The following CENPE variants were observed in gnomAD, a reference collection of about 807,000 sequenced individuals.
CENPE encodes centromere protein E, also known as centromere-associated protein E.
CENPE carries 145 observed loss-of-function variants against 336.1 expected under a neutral mutation model. That is an observed-to-expected ratio of 0.43 (90% confidence interval 0.38 to 0.50). The LOEUF is 0.50. CENPE is among the 20% of genes least tolerant of loss of function. The pLI is 0.00. For synonymous variants in CENPE, 1,013 were observed against 984.8 expected, an observed-to-expected ratio of 1.03 and a Z score of -0.54; for missense variants, 2,719 against 3,023.3, an observed-to-expected ratio of 0.90 and a Z score of 2.36.
In CENPE at chr4:103,189,705, C is replaced by T. The variant is rs549658922; in HGVS notation, c.694-3844G>A. ...ATATCATACTGAATGGGCAAAAACT[C>T]GAAGCATTCCCTTTAAAAACTGGCA... On this transcript the variant is annotated intron_variant, in intron 8 of 48. Transcript: ENST00000265148. Among the ~76,000 whole-genome samples, 17 of 152,184 alleles carry T rather than the reference C, an allele frequency of 1.1e-4. No homozygotes were observed. The East Asian group carries it at 2.3e-3, about 21-fold the overall frequency.
chr4:103,134,473 A>G (rs764184536), intron 40 of CENPE, among the ~76,000 whole-genome samples: 1 of 151,868 alleles, frequency 6.6e-6, no homozygotes, highest in Non-Finnish European at 1.5e-5. Context: ...TCTCTACTAA[A>G]AATACAAAAA....
intron 46 of CENPE, among the ~76,000 whole-genome samples, chr4:103,113,449 C>T (rs552744329): frequency 0.013 from 1,845 of 138,112 alleles, 36 homozygotes; most frequent in African/African-American, 0.044. Flanking sequence ...ATATTACTTA[C>T]ATATTACTTA....
intron 44 of CENPE, among the ~76,000 whole-genome samples, chr4:103,118,930 A>G (rs1750372536): frequency 6.6e-6 from 1 of 152,126 alleles, no homozygotes; most frequent in African/African-American, 2.4e-5. Context: ...CTCTGGATGC[A>G]CAAACTTTCT....
intron 43 of CENPE, 65 bp from the exon 44 acceptor site, chr4:103,120,398 A>C (rs1348764842): frequency 7.5e-7 from 1 of 1,331,692 alleles, no homozygotes. Flanking sequence ...TAGAAATTTG[A>C]GACAGAGATG....
chr4:103,125,333 T>G (rs771781034), intron 42 of CENPE, among the ~76,000 whole-genome samples: 6 of 152,208 alleles, frequency 3.9e-5, no homozygotes, highest in Non-Finnish European at 7.3e-5. Context: ...CTTTTGAATA[T>G]TACATGTTTT....
At chr4:103,137,923 C>T (rs1305498849) in intron 39 of CENPE, among the ~76,000 whole-genome samples, 2 of 152,156 alleles carry the variant, frequency 1.3e-5, no homozygotes, top group Admixed American at 6.5e-5. Flanking sequence ...AAAACTCAGT[C>T]TTTTTTCATG....
At chr4:103,123,254 C>T (rs1750797043) in intron 42 of CENPE, among the ~76,000 whole-genome samples, 165 bp from the exon 43 acceptor site, 1 of 152,178 alleles carries the variant, frequency 6.6e-6, no homozygotes, top group Non-Finnish European at 1.5e-5. Context: ...TTGAATTGCA[C>T]ATCATTCTGA....
intron 16 of CENPE, among the ~76,000 whole-genome samples, chr4:103,167,050 T>A (rs2125988959): frequency 6.6e-6 from 1 of 152,296 alleles, no homozygotes; most frequent in African/African-American, 2.4e-5. Context: ...TAGTATTAGT[T>A]ATACTAATTT....
chr4:103,108,821 T>C lies in CENPE; in HGVS notation c.7993A>G (p.Ser2665Gly), dbSNP rs758197733. ...TACTTACCTGGACAAAGGCCTAAAC[T>C]TGAGTTATCAAAATAGCGAACTGGA... ...PHPVRYFDNSSLGLCPEVQNA... is the reference protein window; with the variant it reads ...PHPVRYFDNSGLGLCPEVQNA... The change falls in exon 48 of 49, where the codon AGT becomes GGT. Residue 2665 changes from serine to glycine, a missense_variant. By Grantham distance (56) the Ser-to-Gly change is moderately conservative. This residue lies in a region of CENPE where 2,437 missense variants were observed against 2,513.3 expected (regional missense o/e 0.97). Coordinates refer to ENST00000265148, the MANE Select transcript of CENPE (RefSeq NM_001813.3). 3 of 1,613,484 alleles carry C rather than the reference T, an allele frequency of 1.9e-6. No individual in the cohort carries two copies. Among genetic ancestry groups the C allele is most frequent in the Admixed American group, 3.3e-5 (2 of 59,942 alleles).
Position 103,144,230 on chromosome 4 carries a change from C to G in CENPE, c.5145+101G>C, listed in dbSNP as rs918528474. 5.7e-6 allele frequency: 6 copies of G among 1,044,846 alleles called. No homozygotes were observed. The African/African-American group carries it at 8.1e-5, about 14-fold the overall frequency. The allele number at this position is 1,044,846 out of a possible 1,614,324, so 64.7% of individuals were successfully genotyped here. On this transcript the variant is annotated intron_variant, in intron 33 of 48. Transcript: ENST00000265148. Reference sequence around the variant, plus strand: ...GGATTACCGGCTCGAGCCACCGCGCCCGGCCTGGACCAATTTTATACTCCC... The same window carrying G: ...GGATTACCGGCTCGAGCCACCGCGCGCGGCCTGGACCAATTTTATACTCCC...
chr4:103,149,664 G>A (rs1015919575), intron 26 of CENPE, among the ~76,000 whole-genome samples: 4 of 152,178 alleles, frequency 2.6e-5, no homozygotes, highest in Non-Finnish European at 5.9e-5. Context: ...GGATTGAGAC[G>A]TGATCCTACT....
intron 46 of CENPE, among the ~76,000 whole-genome samples, chr4:103,111,376 G>A (rs1182042217): frequency 6.6e-6 from 1 of 152,216 alleles, no homozygotes; most frequent in Non-Finnish European, 1.5e-5. Context: ...CACTGCGTGT[G>A]TGGCGGGGAG....
intron 8 of CENPE, among the ~76,000 whole-genome samples, chr4:103,193,013 A>G (rs1056080916): frequency 6.6e-6 from 1 of 151,910 alleles, no homozygotes; most frequent in Non-Finnish European, 1.5e-5. Flanking sequence ...TTATCATCCC[A>G]CCAAGGCCAG....
chr4:103,114,234 C>T (rs556593525), intron 46 of CENPE, among the ~76,000 whole-genome samples: 2 of 152,022 alleles, frequency 1.3e-5, no homozygotes, highest in African/African-American at 2.4e-5. Context: ...AAGCAGAGTT[C>T]GTATTTTTCA....
At chr4:103,179,733 A>C (rs1756173222) in intron 13 of CENPE, among the ~76,000 whole-genome samples, 1 of 152,210 alleles carries the variant, frequency 6.6e-6, no homozygotes, top group Non-Finnish European at 1.5e-5. Context: ...GAAATTGTCC[A>C]AGGCCAAGAG....
intron 18 of CENPE, 136 bp downstream of exon 18, chr4:103,163,001 A>C (rs1294554715): frequency 5.0e-6 from 3 of 600,112 alleles, no homozygotes; most frequent in East Asian, 6.6e-5. Flanking sequence ...AGGGTTATTG[A>C]CAGATTTAAT....
chr4:103,194,026 T>A (rs1294361870), intron 8 of CENPE, among the ~76,000 whole-genome samples: 2 of 152,018 alleles, frequency 1.3e-5, no homozygotes, highest in Non-Finnish European at 2.9e-5. Context: ...AACCATGACA[T>A]AACAGGAAGA....
At chr4:103,160,325 AG>A in intron 21 of CENPE, among the ~76,000 whole-genome samples, 1 of 152,054 alleles carries the variant, frequency 6.6e-6, no homozygotes, top group South Asian at 2.1e-4. Context: ...GTAAAGACTA[AG>A]GGTGGGCCGT....
At position 103,148,795 on chromosome 4, in the gene CENPE, G is replaced by C. The variant is rs753137137; in HGVS notation, c.3843+49C>G. On this transcript the variant is annotated intron_variant, in intron 28 of 48. Transcript: ENST00000265148. ...CTTACTGCTTATCTTTCCTTCAAAG[G>C]AGAAAGGAAGGAAGAAGTGACAAAG... 4.6e-6 allele frequency: 7 copies of C among 1,517,714 alleles called. No individual in the cohort carries two copies. The South Asian group carries it at 6.0e-5, about 13-fold the overall frequency. 94.0% of individuals were successfully genotyped at this position (1,517,714 alleles called of 1,614,324 possible).
Sources: gnomAD v4.1 joint callset for allele counts (sites outside exome capture counted in the v4.1 genomes callset) on GRCh38, gnomAD v4.1.1 for gene constraint, gnomAD v4.1.1 regional missense constraint, MANE v1.5 for transcripts, NCBI Gene and HGNC (gene_info 2026-07-23, HGNC 2026-07-21) for gene names.